ZNF91: variants seen among roughly 807,000 people sequenced by gnomAD.
ZNF91 encodes zinc finger protein 91 (HPF7, HTF10).
A neutral mutation model predicts 12.6 loss-of-function variants in ZNF91; 7 were observed. The ratio of observed to expected loss-of-function variants is 0.55; its 90% CI spans 0.31 to 1.04. The LOEUF (loss-of-function observed/expected upper bound fraction) is 1.04. Ranked by LOEUF, ZNF91 falls within the 50% of genes least tolerant of loss-of-function variation. The pLI, the probability that ZNF91 is intolerant of heterozygous loss-of-function variation, is 0.05. For synonymous variants in ZNF91, 453 were observed against 462.6 expected (o/e 0.98, Z 0.27); for missense variants, 1,217 against 1,385.4 (o/e 0.88, Z 1.93).
chr19:23,362,030 T>C lies in ZNF91; in HGVS notation c.949A>G (p.Thr317Ala), dbSNP rs1968804893. 6.2e-7 allele frequency: 1 copy of C among 1,613,994 alleles called. No individual in the cohort carries two copies. Among genetic ancestry groups the C allele is most frequent in the Non-Finnish European group, 8.5e-7 (1 of 1,179,956 alleles). ...TCACATTTGTAGGGTTTCTCTCCAG[T>C]ATGAATTCTCTTATGTTTAGCAAGG... ...STLAKHKRIH[T>A]GEKPYKCEEC... The change falls in exon 4 of 4, where the codon ACT becomes GCT. Residue 317 changes from threonine (T) to alanine (A), a missense_variant. Thr to Ala is a moderately conservative substitution (Grantham distance 58). Coordinates refer to ENST00000300619, the MANE Select transcript of ZNF91 (RefSeq NM_003430.4).
At chr19:23,385,780 C>G (rs919704748) in intron 1 of ZNF91, among the ~76,000 whole-genome samples, 1 of 152,124 alleles carries the variant, frequency 6.6e-6, no homozygotes, top group Non-Finnish European at 1.5e-5. Flanking sequence ...TAAAACTTTT[C>G]TGTTTTCACA....
downstream of ZNF91, among the ~76,000 whole-genome samples, chr19:23,334,917 T>C (rs113645787): frequency 7.8e-4 from 119 of 152,350 alleles, no homozygotes; most frequent in African/African-American, 2.7e-3. Flanking sequence ...CTAAAATGCA[T>C]ATTAAAATAA....
chr19:23,380,251 G>A (rs1969655803), intron 1 of ZNF91: 1 of 116,944 alleles, frequency 8.6e-6, no homozygotes, highest in African/African-American at 3.2e-5. Context: ...TGGGCAATGG[G>A]GGGAAAATCC....
chr19:23,356,906 C>T (rs1398668876), downstream of ZNF91, among the ~76,000 whole-genome samples: 1 of 151,938 alleles, frequency 6.6e-6, no homozygotes, highest in Non-Finnish European at 1.5e-5. Context: ...CCAGTTTGAC[C>T]AACATGGTGA....
chr19:23,365,118 TAC>T (rs1473825262), intron 3 of ZNF91, among the ~76,000 whole-genome samples: 2 of 151,654 alleles, frequency 1.3e-5, no homozygotes, highest in Middle Eastern at 3.4e-3. Context: ...GAAAAAATAA[TAC>T]AGAGATTACT....
At position 23,361,491 on chromosome 19, in the gene ZNF91, G is replaced by C. The variant is rs1484490118; in HGVS notation, c.1488C>G (p.Gly496=). 1.1e-5 allele frequency: 17 copies of C among 1,613,712 alleles called. No homozygotes were observed. Among genetic ancestry groups the C allele is most frequent in the Non-Finnish European group, 1.4e-5 (16 of 1,179,864 alleles). The stretch of plus-strand genomic sequence containing the variant: ...GGGTTGAGGATTGCCTAAAAGCTTT[G>C]CCACATTCTTCACATTTGTAGGGCT... ...GEKPYKCEEC[G]KAFRQSSTLT... is the part of the protein sequence containing the mutation. Residue 496 remains glycine, a synonymous_variant, in exon 4 of 4, where the codon GGC becomes GGG. Coordinates refer to ENST00000300619, the MANE Select transcript of ZNF91 (RefSeq NM_003430.4).
At chr19:23,369,394 C>T (rs1198491372) in intron 3 of ZNF91, among the ~76,000 whole-genome samples, 4 of 151,260 alleles carry the variant, frequency 2.6e-5, no homozygotes, top group African/African-American at 7.3e-5. Context: ...AGGTGGGGTG[C>T]GCCTCCGCCC....
intron 1 of ZNF91, among the ~76,000 whole-genome samples, chr19:23,323,570 CTT>C (rs1307113512): frequency 4.1e-5 from 6 of 147,818 alleles, no homozygotes; most frequent in Middle Eastern, 3.5e-3. Context: ...TCCTTTTCCT[CTT>C]CTCTTCCTCC....
Position 23,359,937 on chromosome 19 carries a change from C to A in ZNF91, c.3042G>T (p.Arg1014Ser), listed in dbSNP as rs919443548. 12 of 1,608,028 alleles carry A rather than the reference C, an allele frequency of 7.5e-6. No individual in the cohort carries two copies. The highest frequency in any genetic ancestry group is 1.0e-5 in the Non-Finnish European group (12 of 1,178,096). Reference sequence around the variant, plus strand: ...TGTATGGTTTCTCTCCAGTGTGCATCCTCGTATGTCTAGTTAGGGTTGAGG... The same window carrying A: ...TGTATGGTTTCTCTCCAGTGTGCATACTCGTATGTCTAGTTAGGGTTGAGG... ...SQSSTLTRHT[R>S]MHTGEKPYKC... The change falls in exon 4 of 4, where the codon AGG becomes AGT. Residue 1014 changes from arginine (R) to serine (S), a missense_variant. Arg to Ser is a moderately radical substitution (Grantham distance 110). Around this residue, in one of 2 missense-constraint regions of ZNF91, gnomAD observed 491 missense variants for 489.8 expected, o/e 1.00. Transcript: ENST00000300619.
At chr19:23,363,334 T>C (rs983193211) in intron 3 of ZNF91, among the ~76,000 whole-genome samples, 2 of 152,160 alleles carry the variant, frequency 1.3e-5, no homozygotes, top group Non-Finnish European at 2.9e-5. Context: ...AACCGTGGCA[T>C]AATTTGGAAT....
chr19:23,348,962 A>G (rs1968299850), intron 3 of ZNF91, among the ~76,000 whole-genome samples: 1 of 152,050 alleles, frequency 6.6e-6, no homozygotes, highest in African/African-American at 2.4e-5. Flanking sequence ...GAAGGGATGA[A>G]ATACACCCTG....
intron 3 of ZNF91, among the ~76,000 whole-genome samples, chr19:23,367,376 C>CAATT (rs71163492): frequency 0.34 from 51,239 of 151,780 alleles, 9,892 homozygotes; most frequent in African/African-American, 0.54. Context: ...GACCAAAACT[C>CAATT]AAACTGGAGA....
chr19:23,382,299 T>C (rs1599753160), intron 1 of ZNF91, among the ~76,000 whole-genome samples: 1 of 152,268 alleles, frequency 6.6e-6, no homozygotes, highest in East Asian at 1.9e-4. Flanking sequence ...GCACACTGTG[T>C]GCACATGAAA....
intron 3 of ZNF91, among the ~76,000 whole-genome samples, chr19:23,347,060 G>A (rs1229507683): frequency 6.6e-6 from 1 of 151,816 alleles, no homozygotes; most frequent in Non-Finnish European, 1.5e-5. Flanking sequence ...GTTTGTAGAT[G>A]GCAGCTCCTT....
chr19:23,357,681 C>T (rs543019338), downstream of ZNF91: 19 of 151,976 alleles, frequency 1.3e-4, no homozygotes, highest in African/African-American at 4.6e-4. Context: ...AAGATTTATT[C>T]GGGACTCAGA....
chr19:23,394,112 T>C (rs1970154743), intron 1 of ZNF91, among the ~76,000 whole-genome samples: 1 of 152,112 alleles, frequency 6.6e-6, no homozygotes, highest in African/African-American at 2.4e-5. Flanking sequence ...CAGACGAAAC[T>C]GGAAATTTAG....
intron 1 of ZNF91, among the ~76,000 whole-genome samples, chr19:23,331,921 A>G (rs1449312232): frequency 6.6e-6 from 1 of 152,256 alleles, no homozygotes; most frequent in African/African-American, 2.4e-5. Flanking sequence ...GTCTGATAGT[A>G]GCTAGGGCTG....
intron 1 of ZNF91, chr19:23,384,791 A>G: frequency 1.5e-6 from 1 of 657,522 alleles, no homozygotes; most frequent in South Asian, 1.7e-5. Flanking sequence ...TTCCGGGCCA[A>G]CAGCACCTCA....
intron 1 of ZNF91, chr19:23,327,615 A>G (rs1245999098): frequency 6.6e-6 from 1 of 152,232 alleles, no homozygotes; most frequent in Non-Finnish European, 1.5e-5. Flanking sequence ...CATACCTGGC[A>G]GATACATTTA....
Sources: gnomAD v4.1 joint callset for allele counts (sites outside exome capture counted in the v4.1 genomes callset) on GRCh38, gnomAD v4.1.1 for gene constraint, gnomAD v4.1.1 regional missense constraint, MANE v1.5 for transcripts, NCBI Gene and HGNC (gene_info 2026-07-23, HGNC 2026-07-21) for gene names.